The following SGCZ variants were observed in gnomAD, a reference collection of about 807,000 sequenced individuals.
The protein encoded by SGCZ is sarcoglycan zeta.
In SGCZ, 40 loss-of-function variants were observed where a neutral mutation model predicts 41.3. The ratio of observed to expected loss-of-function variants is 0.97; its 90% CI spans 0.75 to 1.26. SGCZ has a LOEUF of 1.26. Ranked by LOEUF, SGCZ falls within the 50% of genes most tolerant of loss-of-function variation. SGCZ has a pLI of 0.00. For missense variants in SGCZ, 552 were observed against 369.8 expected, an observed-to-expected ratio of 1.49 and a Z score of -4.04; for synonymous variants, 206 against 137.5, an observed-to-expected ratio of 1.50 and a Z score of -3.49.
intron 1 of SGCZ, among the ~76,000 whole-genome samples, chr8:14,671,179 A>G (rs1808090352): frequency 6.6e-6 from 1 of 152,106 alleles, no homozygotes; most frequent in Admixed American, 6.6e-5. Flanking sequence ...TTCTTTTGTA[A>G]CTTCTCAAAA....
intron 1 of SGCZ, among the ~76,000 whole-genome samples, chr8:14,716,851 C>T (rs1809706181): frequency 6.6e-6 from 1 of 151,960 alleles, no homozygotes; most frequent in South Asian, 2.1e-4. Context: ...TATTTATAGC[C>T]CATGCTATAT....
Position 14,309,144 on chromosome 8 carries a change from G to A in SGCZ, c.336+14959C>T, listed in dbSNP as rs954834083. On this transcript the variant is annotated intron_variant, in intron 3 of 7. Transcript: ENST00000382080. The stretch of plus-strand genomic sequence containing the variant: ...ATTAAACATCCCCTACAGAACAGAT[G>A]GGCACTCTGGTTTTTTAAAAACGAA... 3 of 1,463,144 alleles carry A rather than the reference G, an allele frequency of 2.1e-6. No homozygotes were observed. In the African/African-American group the frequency reaches 4.2e-5, roughly 20 times the overall value. 90.6% of individuals were successfully genotyped at this position (1,463,144 alleles called of 1,614,324 possible).
chr8:14,630,622 C>G (rs1429268665), intron 1 of SGCZ, among the ~76,000 whole-genome samples: 1 of 151,896 alleles, frequency 6.6e-6, no homozygotes, highest in Non-Finnish European at 1.5e-5. Context: ...GGAACCAACC[C>G]AAATGTCCAA....
At chr8:14,729,113 A>G (rs2130228504) in intron 1 of SGCZ, among the ~76,000 whole-genome samples, 1 of 152,260 alleles carries the variant, frequency 6.6e-6, no homozygotes, top group South Asian at 2.1e-4. Context: ...TAAGAAACCC[A>G]TTCTATCAAA....
intron 1 of SGCZ, among the ~76,000 whole-genome samples, chr8:15,032,103 C>T (rs1803693725): frequency 6.6e-6 from 1 of 152,040 alleles, no homozygotes; most frequent in Non-Finnish European, 1.5e-5. Flanking sequence ...ATTCTAAAAT[C>T]AGAATATATA....
At chr8:14,481,753 T>A (rs1801540500) in intron 2 of SGCZ, among the ~76,000 whole-genome samples, 1 of 152,194 alleles carries the variant, frequency 6.6e-6, no homozygotes, top group Non-Finnish European at 1.5e-5. Context: ...TTAAAAACTT[T>A]TAAATTGAAG....
intron 1 of SGCZ, among the ~76,000 whole-genome samples, chr8:14,582,625 A>G (rs951367034): frequency 2.0e-5 from 3 of 149,522 alleles, no homozygotes; most frequent in East Asian, 4.1e-4. Flanking sequence ...GTCATTTAGC[A>G]TTAGGTATAT....
chr8:14,521,118 G>C (rs1291464107), intron 2 of SGCZ, among the ~76,000 whole-genome samples: 2 of 152,078 alleles, frequency 1.3e-5, no homozygotes, highest in Non-Finnish European at 2.9e-5. Context: ...ACACAGCCAG[G>C]ATACTGACAT....
At chr8:15,235,539 C>A (rs1386502341) in intron 1 of SGCZ, among the ~76,000 whole-genome samples, 2 of 152,184 alleles carry the variant, frequency 1.3e-5, no homozygotes, top group African/African-American at 4.8e-5. Context: ...GCTGCCAGAG[C>A]ACTAAGTCCA....
chr8:14,819,601 G>T (rs1249024804), intron 1 of SGCZ, among the ~76,000 whole-genome samples: 1 of 152,026 alleles, frequency 6.6e-6, no homozygotes, highest in East Asian at 1.9e-4. Flanking sequence ...GTGAAGTAAT[G>T]GTGCAGTGTA....
At chr8:14,642,431 C>A (rs1450665121) in intron 1 of SGCZ, among the ~76,000 whole-genome samples, 1 of 151,404 alleles carries the variant, frequency 6.6e-6, no homozygotes, top group Non-Finnish European at 1.5e-5. Flanking sequence ...TTGAAAGATT[C>A]TCTTCAAGTC....
chr8:14,392,483 T>G (rs1804811925), intron 2 of SGCZ, among the ~76,000 whole-genome samples: 1 of 152,150 alleles, frequency 6.6e-6, no homozygotes, highest in Non-Finnish European at 1.5e-5. Context: ...AATACGGTAT[T>G]TGCTGATGTG....
At chr8:14,514,874 C>T (rs986931927) in intron 2 of SGCZ, among the ~76,000 whole-genome samples, 4 of 148,452 alleles carry the variant, frequency 2.7e-5, no homozygotes, top group South Asian at 2.1e-4. Flanking sequence ...ACAGAAATTA[C>T]GAAAATATTA....
chr8:15,138,473 A>C (rs1419473053), intron 1 of SGCZ, among the ~76,000 whole-genome samples: 1 of 152,102 alleles, frequency 6.6e-6, no homozygotes, highest in African/African-American at 2.4e-5. Flanking sequence ...CTCAAATCTC[A>C]TCTTGAATTG....
chr8:14,702,836 G>GATAC lies in SGCZ; in HGVS notation c.40-147911_40-147910insGTAT, dbSNP rs1415565279. On this transcript the variant is annotated intron_variant, in intron 1 of 7. Transcript: ENST00000382080. ...AGGTAGATAGATAGATAGATAGATAGATAGATAGATAGATAGATAGATAGA... is the reference window on the plus strand; with the variant it reads ...AGGTAGATAGATAGATAGATAGATAGATACATAGATAGATAGATAGATAGATAGA... Among the ~76,000 whole-genome samples, 342 of 56,094 alleles carry GATAC rather than the reference G, an allele frequency of 6.1e-3. 10 individuals are homozygous for GATAC. The highest frequency in any genetic ancestry group is 0.013 in the African/African-American group (324 of 25,104). 36.8% of individuals were successfully genotyped at this position (56,094 alleles called of 152,430 possible).
chr8:14,237,468 G>C, intron 4 of SGCZ, 124 bp downstream of exon 4: 1 of 904,678 alleles, frequency 1.1e-6, no homozygotes. Flanking sequence ...TGGTGACAGA[G>C]TGAGACTCTG....
intron 2 of SGCZ, among the ~76,000 whole-genome samples, chr8:14,447,363 A>T (rs1800462303): frequency 6.6e-6 from 1 of 152,156 alleles, no homozygotes. Flanking sequence ...AGCCATTTTA[A>T]TATGTTACTT....
intron 1 of SGCZ, among the ~76,000 whole-genome samples, chr8:14,813,586 C>A (rs1801800593): frequency 6.6e-6 from 1 of 152,160 alleles, no homozygotes. Context: ...GAAATTCCAG[C>A]TCCAGTACAC....
At chr8:14,547,617 T>A (rs1294132519) in intron 2 of SGCZ, among the ~76,000 whole-genome samples, 1 of 152,188 alleles carries the variant, frequency 6.6e-6, no homozygotes, top group Non-Finnish European at 1.5e-5. Flanking sequence ...CTCTAAGGTC[T>A]GTTTTAAAGA....
Sources: gnomAD v4.1 joint callset for allele counts (sites outside exome capture counted in the v4.1 genomes callset) on GRCh38, gnomAD v4.1.1 for gene constraint, MANE v1.5 for transcripts, NCBI Gene and HGNC (gene_info 2026-07-23, HGNC 2026-07-21) for gene names.